RBFOX1: variants seen among roughly 807,000 people sequenced by gnomAD.
RBFOX1 encodes the protein RNA binding protein fox-1 homolog 1.
Under a neutral mutation model 57.7 loss-of-function variants are expected in RBFOX1, and 8 were observed. The ratio of observed to expected loss-of-function variants is 0.14; its 90% CI spans 0.08 to 0.25. The LOEUF (loss-of-function observed/expected upper bound fraction) is 0.25. Ranked by LOEUF, RBFOX1 falls within the 10% of genes least tolerant of loss-of-function variation. The probability of loss-of-function intolerance (pLI) is 1.00; values close to 1 mark genes in which losing one functional copy is unlikely to be tolerated. For synonymous variants in RBFOX1, 326 were observed against 222.4 expected (o/e 1.47, Z -4.15); for missense variants, 611 against 548.5 (o/e 1.11, Z -1.14).
In RBFOX1 at chr16:5,692,168, TG is replaced by T. The variant is rs1847930388; in HGVS notation, c.318+93208del. On this transcript the variant is annotated intron_variant, in intron 3 of 19. Transcript: ENST00000641259. Reference sequence around the variant, plus strand: ...ACCCATGCATAATAGGGACTGACTGTGTGTGTGTGTGTGTGTGTGTGTGTGT... The same window carrying T: ...ACCCATGCATAATAGGGACTGACTGTTGTGTGTGTGTGTGTGTGTGTGTGT... 8.9e-3 allele frequency among the ~76,000 whole-genome samples: 1,281 copies of T among 143,510 alleles called. 30 individuals are homozygous for T. Among genetic ancestry groups the T allele is most frequent in the African/African-American group, 0.031 (1,121 of 36,260 alleles). The allele number at this position is 143,510 out of a possible 152,430, so 94.1% of individuals were successfully genotyped here.
At chr16:6,574,655 C>T (rs896670496) in intron 2 of RBFOX1, among the ~76,000 whole-genome samples, 46 of 146,274 alleles carry the variant, frequency 3.1e-4, no homozygotes, top group Admixed American at 7.4e-4. Context: ...GTCTCGATCT[C>T]CTGACCTCGT....
intron 4 of RBFOX1, among the ~76,000 whole-genome samples, chr16:7,432,124 G>C (rs2149613849): frequency 6.6e-6 from 1 of 152,322 alleles, no homozygotes; most frequent in Admixed American, 6.5e-5. Context: ...CACTGTGCTG[G>C]TCATCCAACT....
chr16:5,674,526 C>T (rs1429409119), intron 3 of RBFOX1, among the ~76,000 whole-genome samples: 1 of 152,146 alleles, frequency 6.6e-6, no homozygotes, highest in East Asian at 1.9e-4. Flanking sequence ...GACAAAGGAA[C>T]TTACAGAGCA....
At chr16:5,663,029 A>G (rs1187497481) in intron 3 of RBFOX1, among the ~76,000 whole-genome samples, 2 of 152,130 alleles carry the variant, frequency 1.3e-5, no homozygotes, top group African/African-American at 4.8e-5. Flanking sequence ...GCAGTTGGCA[A>G]TGTCTGGAGA....
chr16:5,658,117 G>C (rs1014455047), intron 3 of RBFOX1, among the ~76,000 whole-genome samples: 15 of 152,312 alleles, frequency 9.8e-5, no homozygotes, highest in Admixed American at 6.5e-4. Context: ...CTACAAGTCA[G>C]TTGTTGAGCA....
At chr16:7,287,305 G>A (rs532120290) in intron 4 of RBFOX1, among the ~76,000 whole-genome samples, 6 of 152,326 alleles carry the variant, frequency 3.9e-5, no homozygotes, top group South Asian at 4.1e-4. Flanking sequence ...ATGATGAGCT[G>A]TCACACAGGA....
chr16:7,127,940 CT>C (rs2069046544), intron 4 of RBFOX1, among the ~76,000 whole-genome samples: 1 of 152,188 alleles, frequency 6.6e-6, no homozygotes, highest in Non-Finnish European at 1.5e-5. Flanking sequence ...AGTTCATTGG[CT>C]TACACAACTG....
intron 3 of RBFOX1, among the ~76,000 whole-genome samples, chr16:5,823,251 A>G (rs1206661277): frequency 6.6e-6 from 1 of 152,146 alleles, no homozygotes; most frequent in African/African-American, 2.4e-5. Context: ...CCTTACACAT[A>G]GTTGGTACTT....
intron 2 of RBFOX1, among the ~76,000 whole-genome samples, chr16:6,593,413 T>A (rs2097741956): frequency 6.6e-6 from 1 of 152,180 alleles, no homozygotes; most frequent in Non-Finnish European, 1.5e-5. Flanking sequence ...TCCTGAGAGT[T>A]TCCTGATGCC....
intron 4 of RBFOX1, among the ~76,000 whole-genome samples, chr16:7,086,721 T>TACACACACACACACACACACACAG (rs71280731): frequency 3.8e-3 from 561 of 149,580 alleles, no homozygotes; most frequent in African/African-American, 0.013. Flanking sequence ...GAAGAATGTA[T>TACACACACACACACACACACACAG]ACACACACAC....
intron 3 of RBFOX1, among the ~76,000 whole-genome samples, chr16:5,687,038 G>C (rs1373556933): frequency 6.6e-6 from 1 of 152,120 alleles, no homozygotes; most frequent in Non-Finnish European, 1.5e-5. Flanking sequence ...ATTGCAAGAA[G>C]GATTACTCAC....
At chr16:6,487,486 G>A (rs1320346005) in intron 2 of RBFOX1, among the ~76,000 whole-genome samples, 4 of 151,334 alleles carry the variant, frequency 2.6e-5, no homozygotes, top group Non-Finnish European at 4.4e-5. Context: ...GTGCTTGCAA[G>A]TTCTCCTGAA....
chr16:6,687,360 T>A lies in RBFOX1; in HGVS notation c.-16+32710T>A, dbSNP rs1302446149. 3.3e-5 allele frequency among the ~76,000 whole-genome samples: 5 copies of A among 152,182 alleles called. No homozygotes were observed. The East Asian group carries it at 9.7e-4, about 29-fold the overall frequency. On this transcript the variant is annotated intron_variant, in intron 3 of 15. Transcript: ENST00000550418. Reference sequence around the variant, plus strand: ...CAATGTACACTACTTGCGTGACAGGTTTACCAATATTTCAGAATTCACCAC... The same window carrying A: ...CAATGTACACTACTTGCGTGACAGGATTACCAATATTTCAGAATTCACCAC...
At chr16:7,289,285 T>A in intron 4 of RBFOX1, among the ~76,000 whole-genome samples, 1 of 152,206 alleles carries the variant, frequency 6.6e-6, no homozygotes, top group Non-Finnish European at 1.5e-5. Flanking sequence ...TGGCTCCCTT[T>A]GTTTCTAGCC....
intron 4 of RBFOX1, among the ~76,000 whole-genome samples, chr16:5,983,521 G>T (rs386468163): frequency 6.6e-6 from 1 of 152,142 alleles, no homozygotes; most frequent in African/African-American, 2.4e-5. Context: ...GGGAAAAACC[G>T]CACAGCCCAG....
intron 3 of RBFOX1, among the ~76,000 whole-genome samples, chr16:6,838,222 C>T (rs999790933): frequency 6.6e-6 from 1 of 152,000 alleles, no homozygotes; most frequent in African/African-American, 2.4e-5. Context: ...TGTTCCCTTC[C>T]CTGTGTCCAT....
At chr16:6,056,916 A>C (rs577979164) in intron 1 of RBFOX1, 2 of 151,858 alleles carry the variant, frequency 1.3e-5, no homozygotes, top group South Asian at 4.2e-4. Context: ...GCAGATTAAT[A>C]ACCAAAGTCC....
chr16:7,122,279 T>G (rs1285882270), intron 4 of RBFOX1, among the ~76,000 whole-genome samples: 1 of 152,092 alleles, frequency 6.6e-6, no homozygotes, highest in African/African-American at 2.4e-5. Context: ...TAGAATATAT[T>G]TTGAACTCTC....
intron 4 of RBFOX1, among the ~76,000 whole-genome samples, chr16:5,876,824 T>G (rs1321667808): frequency 6.6e-6 from 1 of 152,214 alleles, no homozygotes; most frequent in Non-Finnish European, 1.5e-5. Context: ...CAGCCTGTCA[T>G]AGTCTGTAAT....
Sources: allele counts gnomAD v4.1 joint callset (sites outside exome capture counted in the v4.1 genomes callset), GRCh38; gene constraint gnomAD v4.1.1; transcripts MANE v1.5; gene names NCBI Gene and HGNC (gene_info 2026-07-23, HGNC 2026-07-21).